The following SETBP1 variants were observed in gnomAD, a reference collection of about 807,000 sequenced individuals.
SETBP1 encodes SET-binding protein.
Under a neutral mutation model 101.0 loss-of-function variants are expected in SETBP1, and 9 were observed. The ratio of observed to expected loss-of-function variants is 0.09; its 90% confidence interval spans 0.05 to 0.16. The LOEUF (loss-of-function observed/expected upper bound fraction) is 0.16. Ranked by LOEUF, SETBP1 falls within the 10% of genes least tolerant of loss-of-function variation. SETBP1 has a pLI of 1.00. For synonymous variants in SETBP1, 818 were observed against 788.5 expected (o/e 1.04, Z -0.63); for missense variants, 1,858 against 2,033.8 (o/e 0.91, Z 1.66).
At chr18:44,924,346 G>A (rs893817158) in intron 3 of SETBP1, among the ~76,000 whole-genome samples, 2 of 152,168 alleles carry the variant, frequency 1.3e-5, no homozygotes, top group African/African-American at 4.8e-5. Context: ...GTGCAGGGGA[G>A]CTCTAGAAGA....
intron 2 of SETBP1, among the ~76,000 whole-genome samples, chr18:44,828,588 G>A (rs576205145): frequency 2.0e-5 from 3 of 152,322 alleles, no homozygotes; most frequent in South Asian, 4.1e-4. Context: ...GTACAGAAAG[G>A]GGGTGGATGA....
At chr18:44,955,954 G>T (rs550092917) in intron 4 of SETBP1, among the ~76,000 whole-genome samples, 72 of 152,310 alleles carry the variant, frequency 4.7e-4, no homozygotes, top group African/African-American at 1.7e-3. Context: ...TACCTTTTCT[G>T]AATATCAGCC....
chr18:44,975,603 G>GA (rs1278413775), intron 4 of SETBP1, among the ~76,000 whole-genome samples: 6 of 151,426 alleles, frequency 4.0e-5, no homozygotes, highest in South Asian at 2.1e-4. Context: ...GGTGTTCTGT[G>GA]AAAAAAAAGA....
intron 4 of SETBP1, among the ~76,000 whole-genome samples, chr18:44,976,633 T>C (rs1244883247): frequency 1.3e-5 from 2 of 152,178 alleles, no homozygotes; most frequent in African/African-American, 4.8e-5. Flanking sequence ...ATCATGGTTA[T>C]AGTTAGTAGC....
intron 3 of SETBP1, among the ~76,000 whole-genome samples, chr18:44,889,775 C>G (rs771964066): frequency 2.6e-4 from 40 of 152,234 alleles, no homozygotes; most frequent in Non-Finnish European, 5.0e-4. Flanking sequence ...ATGTTGGTAA[C>G]CCTTGCCGTC....
At chr18:44,853,843 G>C (rs2072919330) in intron 2 of SETBP1, among the ~76,000 whole-genome samples, 1 of 152,058 alleles carries the variant, frequency 6.6e-6, no homozygotes, top group South Asian at 2.1e-4. Context: ...CCTTCACCAT[G>C]ATGTTCCATC....
intron 2 of SETBP1, among the ~76,000 whole-genome samples, chr18:44,834,932 GT>G (rs1277714735): frequency 6.6e-6 from 1 of 152,140 alleles, no homozygotes; most frequent in Non-Finnish European, 1.5e-5. Flanking sequence ...AACAGGAGCA[GT>G]TTTCTAAGCA....
chr18:44,810,625 G>A (rs1248950208), intron 2 of SETBP1, among the ~76,000 whole-genome samples: 1 of 152,128 alleles, frequency 6.6e-6, no homozygotes, highest in Non-Finnish European at 1.5e-5. Flanking sequence ...GATCCTAATT[G>A]TAATATCTTT....
At chr18:44,774,932 TAGTC>T (rs779527791) in intron 2 of SETBP1, among the ~76,000 whole-genome samples, 67 of 151,992 alleles carry the variant, frequency 4.4e-4, no homozygotes, top group Admixed American at 5.2e-4. Context: ...TCTTTTTCCT[TAGTC>T]AGAGCACTTC....
At chr18:45,009,427 C>G (rs188108488) in intron 4 of SETBP1, among the ~76,000 whole-genome samples, 1 of 151,394 alleles carries the variant, frequency 6.6e-6, no homozygotes, top group African/African-American at 2.4e-5. Flanking sequence ...ATAACCTCAA[C>G]GAGTGGTTCA....
chr18:44,949,723 T>C (rs2071290388), intron 3 of SETBP1, among the ~76,000 whole-genome samples, 158 bp from the exon 4 acceptor site: 1 of 152,240 alleles, frequency 6.6e-6, no homozygotes, highest in Admixed American at 6.5e-5. Flanking sequence ...AAAACCTCTG[T>C]AAGACATTCT....
chr18:44,880,133 T>C (rs1474579175), intron 3 of SETBP1, among the ~76,000 whole-genome samples: 2 of 152,188 alleles, frequency 1.3e-5, no homozygotes, highest in African/African-American at 4.8e-5. Flanking sequence ...GAGACTGCAC[T>C]AGGACTTGGG....
intron 2 of SETBP1, among the ~76,000 whole-genome samples, chr18:44,785,615 C>A (rs2071224367): frequency 6.6e-6 from 1 of 152,114 alleles, no homozygotes. Context: ...GACTTGTCAG[C>A]CCTCATCTCC....
intron 3 of SETBP1, among the ~76,000 whole-genome samples, chr18:44,930,535 G>C (rs1030044871): frequency 6.6e-6 from 1 of 152,134 alleles, no homozygotes; most frequent in African/African-American, 2.4e-5. Context: ...TTGTACCTCT[G>C]GTAGAATTCA....
At chr18:44,833,590 G>A (rs1568170445) in intron 2 of SETBP1, among the ~76,000 whole-genome samples, 2 of 152,210 alleles carry the variant, frequency 1.3e-5, no homozygotes, top group Admixed American at 6.5e-5. Context: ...AGGAAACAAT[G>A]GTCAAGACAG....
intron 2 of SETBP1, among the ~76,000 whole-genome samples, chr18:44,813,612 A>G (rs1040961737): frequency 6.6e-6 from 1 of 152,182 alleles, no homozygotes; most frequent in Non-Finnish European, 1.5e-5. Context: ...CTACATTTCT[A>G]TGATTTTGCC....
At chr18:44,748,108 G>A (rs574523194) in intron 2 of SETBP1, among the ~76,000 whole-genome samples, 17 of 152,200 alleles carry the variant, frequency 1.1e-4, no homozygotes, top group African/African-American at 3.4e-4. Context: ...TCCATTGAGT[G>A]TCACTCCTCC....
chr18:45,007,141 C>G (rs1599439816), intron 4 of SETBP1, among the ~76,000 whole-genome samples: 1 of 152,236 alleles, frequency 6.6e-6, no homozygotes, highest in East Asian at 1.9e-4. Flanking sequence ...ATTCCACCCT[C>G]AGTCCTCTCA....
intron 2 of SETBP1, among the ~76,000 whole-genome samples, chr18:44,761,321 T>C (rs2070638389): frequency 1.3e-5 from 2 of 152,346 alleles, no homozygotes; most frequent in African/African-American, 4.8e-5. Context: ...ACTTCATTGT[T>C]ATTTGCTATA....
Sources: gnomAD v4.1 joint callset for allele counts (sites outside exome capture counted in the v4.1 genomes callset) on GRCh38, gnomAD v4.1.1 for gene constraint, MANE v1.5 for transcripts, NCBI Gene and HGNC (gene_info 2026-07-23, HGNC 2026-07-21) for gene names.